The following PARD3B variants were observed in gnomAD, a reference collection of about 807,000 sequenced individuals.
The protein encoded by PARD3B is par-3 family cell polarity regulator beta, also known as partitioning defective 3 homolog B.
A neutral mutation model predicts 130.2 loss-of-function variants in PARD3B; 103 were observed. That is an observed-to-expected ratio of 0.79 (90% CI 0.67 to 0.93). PARD3B has a LOEUF of 0.93. Ranked by LOEUF, PARD3B falls within the 40% of genes least tolerant of loss-of-function variation. The pLI, the probability that PARD3B is intolerant of heterozygous loss-of-function variation, is 0.00. For synonymous variants in PARD3B, 583 were observed against 553.2 expected, an observed-to-expected ratio of 1.05 and a Z score of -0.76; for missense variants, 1,609 against 1,499.2, an observed-to-expected ratio of 1.07 and a Z score of -1.21.
chr2:205,157,832 A>G (rs1057055539), intron 10 of PARD3B, among the ~76,000 whole-genome samples: 2 of 152,176 alleles, frequency 1.3e-5, no homozygotes, highest in African/African-American at 4.8e-5. Context: ...GGAGACCCAC[A>G]AAGATGCTCA....
At chr2:205,415,240 T>C (rs964166768) in intron 19 of PARD3B, among the ~76,000 whole-genome samples, 2 of 152,146 alleles carry the variant, frequency 1.3e-5, no homozygotes, top group African/African-American at 4.8e-5. Context: ...ATATAGGATA[T>C]TTTCACACGG....
chr2:204,568,954 G>GAAAAA (rs368465299), intron 1 of PARD3B, among the ~76,000 whole-genome samples: 15 of 143,414 alleles, frequency 1.0e-4, no homozygotes, highest in Admixed American at 3.4e-4. Flanking sequence ...GACTGTCTCA[G>GAAAAA]GAAAAAAAAA....
intron 14 of PARD3B, among the ~76,000 whole-genome samples, chr2:205,188,549 A>G (rs755679158): frequency 1.1e-4 from 16 of 152,210 alleles, no homozygotes; most frequent in Non-Finnish European, 2.1e-4. Flanking sequence ...TGGAGGGATC[A>G]GAAGCATGGG....
At chr2:205,314,617 G>C (rs2042500133) in intron 18 of PARD3B, among the ~76,000 whole-genome samples, 1 of 152,172 alleles carries the variant, frequency 6.6e-6, no homozygotes, top group African/African-American at 2.4e-5. Context: ...GCAGATAAGA[G>C]ATACATACAT....
At chr2:205,232,621 G>A (rs1413758583) in intron 15 of PARD3B, among the ~76,000 whole-genome samples, 1 of 151,940 alleles carries the variant, frequency 6.6e-6, no homozygotes, top group Non-Finnish European at 1.5e-5. Context: ...AGCAGACAAA[G>A]ACATTTAAAT....
chr2:205,228,954 T>TTA (rs1320124801), intron 15 of PARD3B, among the ~76,000 whole-genome samples: 1 of 152,240 alleles, frequency 6.6e-6, no homozygotes, highest in African/African-American at 2.4e-5. Flanking sequence ...TTGATTCTTT[T>TTA]TAATTATTTC....
At chr2:204,976,523 T>C (rs1401990772) in intron 3 of PARD3B, among the ~76,000 whole-genome samples, 1 of 151,976 alleles carries the variant, frequency 6.6e-6, no homozygotes, top group Non-Finnish European at 1.5e-5. Context: ...AATCTGCTAG[T>C]CACTGTTAAT....
At chr2:205,272,542 A>T (rs1337219206) in intron 16 of PARD3B, among the ~76,000 whole-genome samples, 1 of 152,224 alleles carries the variant, frequency 6.6e-6, no homozygotes, top group Non-Finnish European at 1.5e-5. Flanking sequence ...TTAACTAAAA[A>T]AAGGGTTTCT....
At chr2:204,870,451 A>G (rs1211810535) in intron 2 of PARD3B, among the ~76,000 whole-genome samples, 3 of 152,140 alleles carry the variant, frequency 2.0e-5, no homozygotes, top group African/African-American at 7.2e-5. Flanking sequence ...GTGAAGCTCT[A>G]TCCTTCTGCT....
intron 2 of PARD3B, among the ~76,000 whole-genome samples, chr2:204,832,099 G>A (rs1317191064): frequency 3.9e-5 from 6 of 152,058 alleles, no homozygotes; most frequent in East Asian, 1.9e-4. Context: ...GGTGGTGGGC[G>A]CCTGTAGTCC....
At chr2:205,465,113 A>G (rs976825663) in intron 20 of PARD3B, among the ~76,000 whole-genome samples, 5 of 152,208 alleles carry the variant, frequency 3.3e-5, no homozygotes, top group African/African-American at 9.7e-5. Flanking sequence ...ATTTTAATCT[A>G]TATGTTTAGT....
In PARD3B at chr2:205,146,478, T is replaced by G. The variant is rs1044031032; in HGVS notation, c.1435-12244T>G. ...TCCTGGCTAACACGGCAAAACCCCG[T>G]CTCTACTAAAAATACAAAAACATTT... On this transcript the variant is annotated intron_variant, in intron 10 of 22. Coordinates refer to ENST00000406610, the MANE Select transcript of PARD3B (RefSeq NM_001302769.2). This position sits in a 1 kb window ranked among gnomAD's most constrained non-coding sequence, Gnocchi z 4.3. 1.4e-4 allele frequency among the ~76,000 whole-genome samples: 22 copies of G among 151,766 alleles called. No individual in the cohort carries two copies. The highest frequency in any genetic ancestry group is 5.3e-4 in the African/African-American group (22 of 41,350).
At chr2:205,382,183 A>G (rs766090436) in intron 18 of PARD3B, among the ~76,000 whole-genome samples, 7 of 152,006 alleles carry the variant, frequency 4.6e-5, no homozygotes, top group Non-Finnish European at 7.4e-5. Context: ...ACATTGCATT[A>G]TTTGTTGTAA....
At chr2:204,712,607 C>A (rs1230730487) in intron 2 of PARD3B, among the ~76,000 whole-genome samples, 1 of 140,514 alleles carries the variant, frequency 7.1e-6, no homozygotes. Flanking sequence ...GAGCAAGACC[C>A]CATCTCAAAA....
chr2:205,430,158 T>C (rs1031081886), intron 19 of PARD3B, among the ~76,000 whole-genome samples: 3 of 152,190 alleles, frequency 2.0e-5, no homozygotes, highest in Admixed American at 2.0e-4. Context: ...TCCCTCGATA[T>C]ATAAGTGAGG....
chr2:205,552,656 G>A (rs1477468990), intron 21 of PARD3B, among the ~76,000 whole-genome samples: 1 of 152,006 alleles, frequency 6.6e-6, no homozygotes, highest in Non-Finnish European at 1.5e-5. Flanking sequence ...CAATCCACCC[G>A]CCTCTTGACC....
chr2:204,921,537 C>A (rs944675879), intron 2 of PARD3B, among the ~76,000 whole-genome samples: 1 of 142,436 alleles, frequency 7.0e-6, no homozygotes, highest in Non-Finnish European at 1.6e-5. Flanking sequence ...GTGGAAGAAG[C>A]ACTCAAAAAA....
At chr2:205,422,177 C>G (rs2046993264) in intron 19 of PARD3B, among the ~76,000 whole-genome samples, 1 of 152,126 alleles carries the variant, frequency 6.6e-6, no homozygotes. Context: ...GAGCCAGTCA[C>G]AAGAAGTCGA....
At chr2:204,902,952 A>G (rs2046920941) in intron 2 of PARD3B, among the ~76,000 whole-genome samples, 1 of 152,298 alleles carries the variant, frequency 6.6e-6, no homozygotes, top group Admixed American at 6.5e-5. Flanking sequence ...GTAGGTGGTG[A>G]TGACACAAAG....
Sources: gnomAD v4.1 joint callset for allele counts (sites outside exome capture counted in the v4.1 genomes callset) on GRCh38, gnomAD v4.1.1 for gene constraint, Gnocchi (gnomAD v3.1) non-coding constraint, MANE v1.5 for transcripts, NCBI Gene and HGNC (gene_info 2026-07-23, HGNC 2026-07-21) for gene names.